The following SYNGR1 variants were observed in gnomAD, a reference collection of about 807,000 sequenced individuals.
SYNGR1 encodes synaptogyrin-1.
Under a neutral mutation model 26.1 loss-of-function variants are expected in SYNGR1, and 14 were observed. That is an observed-to-expected ratio of 0.54 (90% confidence interval 0.35 to 0.84). The LOEUF (loss-of-function observed/expected upper bound fraction) is 0.84. Among genes scored for constraint, SYNGR1 ranks in the 40% least tolerant of loss-of-function variants. The pLI is 0.01. For missense variants in SYNGR1, 319 were observed against 332.9 expected, an observed-to-expected ratio of 0.96 and a Z score of 0.33; for synonymous variants, 141 against 150.1, an observed-to-expected ratio of 0.94 and a Z score of 0.44.
Position 39,354,771 on chromosome 22 carries a change from G to A in SYNGR1, c.99+4662G>A, listed in dbSNP as rs549955069. 6.6e-5 allele frequency among the ~76,000 whole-genome samples: 10 copies of A among 151,736 alleles called. No individual in the cohort carries two copies. In the South Asian group the frequency reaches 1.9e-3, roughly 28 times the overall value. On this transcript the variant is annotated intron_variant, in intron 1 of 3. Transcript: ENST00000328933. The stretch of plus-strand genomic sequence containing the variant: ...GGAGAATCGCTTGAACCCGGGAGGC[G>A]GAGGTTGCAGTTAGCTGAGATCACA...
rs561627627 is a variant in SYNGR1, at chr22:39,383,256, G to C, written c.*1342G>C. The C allele has an allele frequency of 6.6e-6, 1 of 152,366 alleles. No homozygotes were observed. Among genetic ancestry groups the C allele is most frequent in the Admixed American group, 6.5e-5 (1 of 15,284 alleles). The allele number at this position is 152,366 out of a possible 1,614,324, so 9.4% of individuals were successfully genotyped here. ...GCAGAGCGGCAAGGACAGGGCTTTG[G>C]AATCAGCCAGGTCGGCTCCTGGGCT... On this transcript the variant is annotated 3_prime_UTR_variant, in exon 4 of 4. Transcript: ENST00000328933.
chr22:39,362,849 C>CTA (rs1924549932), intron 1 of SYNGR1, among the ~76,000 whole-genome samples: 1 of 151,750 alleles, frequency 6.6e-6, no homozygotes, highest in African/African-American at 2.4e-5. Flanking sequence ...CCCTCTCTGA[C>CTA]TATCAGACTT....
At chr22:39,374,852 C>T in intron 2 of SYNGR1, 3 of 474,500 alleles carry the variant, frequency 6.3e-6, no homozygotes, top group South Asian at 6.2e-5. Flanking sequence ...CATGGGTTGG[C>T]CCGTGTTTCA....
intron 1 of SYNGR1, among the ~76,000 whole-genome samples, chr22:39,361,245 A>G (rs1184777215): frequency 1.3e-5 from 2 of 152,026 alleles, no homozygotes; most frequent in South Asian, 2.1e-4. Context: ...ATGACCTGGA[A>G]TTTGCACAGC....
At chr22:39,381,637 G>C in intron 3 of SYNGR1, 59 bp from the exon 4 acceptor site, 1 of 1,582,246 alleles carries the variant, frequency 6.3e-7, no homozygotes, top group Non-Finnish European at 8.7e-7. Flanking sequence ...GCTCTTGTCT[G>C]TCTCTCCCCT....
chr22:39,349,996 G>A lies in SYNGR1; in HGVS notation c.-15G>A. ...GCGCGCGCCGAGCGGGGGGCACCGC[G>A]CGGGTGCAGCCACGATGGAAGGGGG... On this transcript the variant is annotated 5_prime_UTR_variant, in exon 1 of 4. Coordinates refer to ENST00000328933, the MANE Select transcript of SYNGR1 (RefSeq NM_004711.5). The A allele has an allele frequency of 3.4e-6, 4 of 1,187,682 alleles. No homozygotes were observed. The highest frequency in any genetic ancestry group is 2.3e-5 in the South Asian group (1 of 43,722). 73.6% of individuals were successfully genotyped at this position (1,187,682 alleles called of 1,614,324 possible). A position where few individuals can be genotyped will look rare whatever the true frequency, so the allele number is the denominator to read the frequency against.
At position 39,384,780 on chromosome 22, in the gene SYNGR1, A is replaced by G. The variant is rs1233750569; in HGVS notation, c.*2866A>G. 2.3e-5 allele frequency: 9 copies of G among 398,962 alleles called. No homozygotes were observed. The highest frequency in any genetic ancestry group is 3.5e-5 in the Non-Finnish European group (8 of 226,078). The allele number at this position is 398,962 out of a possible 1,614,324, so 24.7% of individuals were successfully genotyped here. ...ATCAAGCACAAGAGAGGGCCCAGGA[A>G]AAAAGGTTTCACATAAGTGTAGAGT... On this transcript the variant is annotated 3_prime_UTR_variant, in exon 4 of 4. Coordinates refer to ENST00000328933, the MANE Select transcript of SYNGR1 (RefSeq NM_004711.5).
intron 3 of SYNGR1, chr22:39,377,721 T>G: frequency 6.2e-7 from 1 of 1,609,170 alleles, no homozygotes; most frequent in Non-Finnish European, 8.5e-7. Flanking sequence ...CCGGCAGCCC[T>G]GTATCACCCC....
chr22:39,362,828 G>A (rs1370250645), intron 1 of SYNGR1, among the ~76,000 whole-genome samples: 2 of 152,048 alleles, frequency 1.3e-5, no homozygotes, highest in South Asian at 2.1e-4. Context: ...TCTACCCCCC[G>A]TGCTGCCTGG....
intron 1 of SYNGR1, among the ~76,000 whole-genome samples, chr22:39,371,665 G>A (rs79164442): frequency 4.9e-4 from 74 of 152,050 alleles, no homozygotes; most frequent in Middle Eastern, 3.4e-3. Flanking sequence ...CGTGGCAAAC[G>A]CCTATAGTCC....
At chr22:39,359,522 C>T (rs905668932) in intron 1 of SYNGR1, among the ~76,000 whole-genome samples, 1 of 150,828 alleles carries the variant, frequency 6.6e-6, no homozygotes, top group Non-Finnish European at 1.5e-5. Flanking sequence ...TCCCAGCTAC[C>T]CGGGAGGCTG....
intron 1 of SYNGR1, among the ~76,000 whole-genome samples, chr22:39,354,751 A>G (rs2145605448): frequency 6.6e-6 from 1 of 152,202 alleles, no homozygotes; most frequent in East Asian, 1.9e-4. Context: ...AGGCAGGAGA[A>G]TCGCTTGAAC....
At chr22:39,365,123 G>A (rs1924676116) in intron 1 of SYNGR1, among the ~76,000 whole-genome samples, 1 of 152,146 alleles carries the variant, frequency 6.6e-6, no homozygotes. Context: ...CTCTGCCTCT[G>A]AAGACCTGTC....
rs73414374 is a variant in SYNGR1, at chr22:39,382,029, A to T, written c.*115A>T. The T allele has an allele frequency of 0.023, 28,357 of 1,216,700 alleles. 4,805 individuals are homozygous for T. The African/African-American group carries it at 0.37, about 16-fold the overall frequency. The allele number at this position is 1,216,700 out of a possible 1,614,324, so 75.4% of individuals were successfully genotyped here. A position where few individuals can be genotyped will look rare whatever the true frequency, so the allele number is the denominator to read the frequency against. ...GCCTCATCAGCCTCTGCCTTGTCCC[A>T]CTGAGGTCCAGGGTAGCTCGGGGCA... On this transcript the variant is annotated 3_prime_UTR_variant, in exon 4 of 4. Transcript: ENST00000328933.
intron 1 of SYNGR1, among the ~76,000 whole-genome samples, chr22:39,360,120 C>A (rs1462692809): frequency 1.3e-5 from 2 of 152,218 alleles, no homozygotes; most frequent in Non-Finnish European, 2.9e-5. Context: ...ACCTGCCCCC[C>A]TCATCCTAGA....
intron 1 of SYNGR1, among the ~76,000 whole-genome samples, chr22:39,355,641 C>T (rs1036134060): frequency 9.2e-5 from 14 of 152,196 alleles, no homozygotes; most frequent in African/African-American, 3.4e-4. Flanking sequence ...TTGGAAAACC[C>T]CTACCTCTTT....
At chr22:39,371,381 C>T (rs1356531816) in intron 1 of SYNGR1, among the ~76,000 whole-genome samples, 1 of 150,722 alleles carries the variant, frequency 6.6e-6, no homozygotes, top group East Asian at 2.0e-4. Flanking sequence ...GAGGCTGAGG[C>T]AGGAGAATCG....
chr22:39,365,239 G>A (rs769233230), intron 1 of SYNGR1, among the ~76,000 whole-genome samples: 13 of 152,102 alleles, frequency 8.5e-5, no homozygotes, highest in Non-Finnish European at 1.8e-4. Context: ...GTTCTCCAGT[G>A]TCTCCTTGTG....
intron 1 of SYNGR1, among the ~76,000 whole-genome samples, chr22:39,367,997 G>C (rs1186611378): frequency 6.6e-6 from 1 of 152,062 alleles, no homozygotes. Flanking sequence ...CCTGTGCCTG[G>C]AACATACTTC....
Sources: allele counts gnomAD v4.1 joint callset (sites outside exome capture counted in the v4.1 genomes callset), GRCh38; gene constraint gnomAD v4.1.1; transcripts MANE v1.5; gene names NCBI Gene and HGNC (gene_info 2026-07-23, HGNC 2026-07-21).